ANKRD30A: variants seen among roughly 807,000 people sequenced by gnomAD.
The protein encoded by ANKRD30A is ankyrin repeat domain 30A.
In ANKRD30A, 170 loss-of-function variants were observed where a neutral mutation model predicts 166.3. That is an observed-to-expected ratio of 1.02 (90% CI 0.90 to 1.16). ANKRD30A has a LOEUF of 1.16. Among genes scored for constraint, ANKRD30A ranks in the 50% most tolerant of loss-of-function variants. The probability of loss-of-function intolerance (pLI) is 0.00; values close to 1 mark genes in which losing one functional copy is unlikely to be tolerated. For missense variants in ANKRD30A, 1,630 were observed against 1,518.0 expected, an observed-to-expected ratio of 1.07 and a Z score of -1.23; for synonymous variants, 564 against 508.9, an observed-to-expected ratio of 1.11 and a Z score of -1.46.
chr10:37,231,987 T>C (rs1843430950), intron 35 of ANKRD30A, among the ~76,000 whole-genome samples: 2 of 152,042 alleles, frequency 1.3e-5, no homozygotes, highest in Non-Finnish European at 2.9e-5. Flanking sequence ...ACTAAATATA[T>C]ACTTTGAGAT....
At chr10:37,162,945 A>C (rs532627685) in intron 17 of ANKRD30A, 97 bp downstream of exon 17, 1 of 1,450,344 alleles carries the variant, frequency 6.9e-7, no homozygotes, top group African/African-American at 1.4e-5. Flanking sequence ...TTCAACTTTG[A>C]TGAAAAGATT....
At chr10:37,193,490 C>G (rs944112808) in intron 27 of ANKRD30A, among the ~76,000 whole-genome samples, 1 of 151,950 alleles carries the variant, frequency 6.6e-6, no homozygotes, top group Non-Finnish European at 1.5e-5. Flanking sequence ...ACTTTAATGT[C>G]CTGATCGGAT....
In ANKRD30A at chr10:37,199,873, C is replaced by G. The variant is rs559877669; in HGVS notation, c.2778+85C>G. 13 of 779,478 alleles carry G rather than the reference C, an allele frequency of 1.7e-5. No homozygotes were observed. In the East Asian group the frequency reaches 3.5e-4, roughly 21 times the overall value. The allele number at this position is 779,478 out of a possible 1,614,324, so 48.3% of individuals were successfully genotyped here. A position where few individuals can be genotyped will look rare whatever the true frequency, so the allele number is the denominator to read the frequency against. On this transcript the variant is annotated intron_variant, in intron 30 of 35. Transcript: ENST00000361713. ...CAGATGCTTAGACTTTATTTTCTCA[C>G]CTCTGCATATGTCACCCGCAAATTA...
intron 29 of ANKRD30A, among the ~76,000 whole-genome samples, chr10:37,198,302 A>G (rs532646130): frequency 6.6e-6 from 1 of 152,002 alleles, no homozygotes; most frequent in African/African-American, 2.4e-5. Flanking sequence ...TTCGTTTTTG[A>G]TCAGCATTAT....
intron 15 of ANKRD30A, among the ~76,000 whole-genome samples, chr10:37,160,235 T>G (rs1236573961): frequency 6.6e-6 from 1 of 152,180 alleles, no homozygotes; most frequent in Non-Finnish European, 1.5e-5. Flanking sequence ...GTGGGGGTAT[T>G]TACTGCTTCA....
the ANKRD30A span, among the ~76,000 whole-genome samples, chr10:37,263,793 G>A: frequency 6.6e-6 from 1 of 152,146 alleles, no homozygotes; most frequent in Non-Finnish European, 1.5e-5. Context: ...TGTGTCGTGG[G>A]TTGGGGCCCA....
chr10:37,236,462 A>G (rs192982252), downstream of ANKRD30A, among the ~76,000 whole-genome samples: 21 of 152,348 alleles, frequency 1.4e-4, no homozygotes, highest in Non-Finnish European at 2.5e-4. Flanking sequence ...ACGCAAACTC[A>G]TGTCACTGTG....
intron 8 of ANKRD30A, among the ~76,000 whole-genome samples, chr10:37,145,699 A>G (rs900460190): frequency 4.6e-5 from 7 of 152,340 alleles, no homozygotes; most frequent in African/African-American, 1.7e-4. Context: ...ATCTTTGGGC[A>G]ATTATATGAC....
the ANKRD30A span, among the ~76,000 whole-genome samples, chr10:37,258,888 G>T: frequency 6.7e-6 from 1 of 150,228 alleles, no homozygotes; most frequent in South Asian, 2.1e-4. Context: ...GCTTGAACTC[G>T]GGATGAGGAG....
chr10:37,239,458 G>A, the ANKRD30A span, among the ~76,000 whole-genome samples: 1 of 151,958 alleles, frequency 6.6e-6, no homozygotes, highest in African/African-American at 2.4e-5. Context: ...CACTTTCTTC[G>A]TGTGTGTATT....
At chr10:37,145,718 A>C (rs994758723) in intron 8 of ANKRD30A, among the ~76,000 whole-genome samples, 1 of 152,200 alleles carries the variant, frequency 6.6e-6, no homozygotes. Context: ...ACTCAGTGGT[A>C]TATCTAGACG....
In ANKRD30A at chr10:37,162,817, G is replaced by C; in HGVS notation, c.1971G>C (p.Leu657Phe). The change falls in exon 17 of 36, where the codon TTG becomes TTC. Residue 657 changes from leucine (L) to phenylalanine (F), a missense_variant. This residue lies in a region of ANKRD30A where 904 missense variants were observed against 818.5 expected (regional missense o/e 1.10). Coordinates refer to ENST00000361713, the MANE Select transcript of ANKRD30A (RefSeq NM_052997.3). ...AAAAGTCTGTCCCAAATAAAGCCTTGGAATTGAAAAATGAACAAACATTGA... is the reference window on the plus strand; with the variant it reads ...AAAAGTCTGTCCCAAATAAAGCCTTCGAATTGAAAAATGAACAAACATTGA... ...EMQKSVPNKA[L>F]ELKNEQTLRA... 1 of 1,613,446 alleles carries C rather than the reference G, an allele frequency of 6.2e-7. No homozygotes were observed. Among genetic ancestry groups the C allele is most frequent in the East Asian group, 2.2e-5 (1 of 44,842 alleles).
intron 29 of ANKRD30A, 138 bp downstream of exon 29, chr10:37,197,618 T>C: frequency 3.7e-6 from 5 of 1,345,880 alleles, no homozygotes; most frequent in South Asian, 1.4e-5. Flanking sequence ...CTGGTATTGA[T>C]GTTTGAAAAG....
intron 31 of ANKRD30A, among the ~76,000 whole-genome samples, chr10:37,213,812 AC>A (rs1842471753): frequency 6.6e-6 from 1 of 151,556 alleles, no homozygotes; most frequent in South Asian, 2.1e-4. Context: ...TGTTTCAGGT[AC>A]TTTTTTATTA....
intron 15 of ANKRD30A, among the ~76,000 whole-genome samples, chr10:37,161,003 C>G (rs1232659819): frequency 6.6e-6 from 1 of 152,148 alleles, no homozygotes; most frequent in Non-Finnish European, 1.5e-5. Flanking sequence ...CCTGTAATCC[C>G]AGCACGTTGG....
chr10:37,210,399 C>A (rs774619590), intron 31 of ANKRD30A, among the ~76,000 whole-genome samples: 4 of 152,114 alleles, frequency 2.6e-5, no homozygotes, highest in Admixed American at 2.0e-4. Context: ...CAAGTCTTTG[C>A]TATTGAGAAT....
intron 24 of ANKRD30A, among the ~76,000 whole-genome samples, chr10:37,183,562 T>G (rs528303498): frequency 2.4e-4 from 35 of 146,810 alleles, no homozygotes; most frequent in Admixed American, 8.3e-4. Context: ...ATGAAAAGAG[T>G]TGGTTACAGA....
intron 4 of ANKRD30A, 111 bp downstream of exon 4, chr10:37,132,457 A>T (rs1836435788): frequency 3.2e-6 from 2 of 622,696 alleles, no homozygotes; most frequent in Non-Finnish European, 5.2e-6. Flanking sequence ...ATTATGTGAA[A>T]ATATCAATAC....
chr10:37,250,896 C>CT, the ANKRD30A span, among the ~76,000 whole-genome samples: 2 of 152,218 alleles, frequency 1.3e-5, no homozygotes, highest in Non-Finnish European at 2.9e-5. Context: ...TTTCCTCTCA[C>CT]TTTCCCTATC....
Sources: gnomAD v4.1 joint callset for allele counts (sites outside exome capture counted in the v4.1 genomes callset) on GRCh38, gnomAD v4.1.1 for gene constraint, gnomAD v4.1.1 regional missense constraint, MANE v1.5 for transcripts, NCBI Gene and HGNC (gene_info 2026-07-23, HGNC 2026-07-21) for gene names.